The following CSMD3 variants were observed in gnomAD, a reference collection of about 807,000 sequenced individuals.
CSMD3 encodes the protein CUB and sushi domain-containing protein 3.
In CSMD3, 177 loss-of-function variants were observed where a neutral mutation model predicts 435.2. That is an observed-to-expected ratio of 0.41 (90% CI 0.36 to 0.46). The LOEUF (loss-of-function observed/expected upper bound fraction) is 0.46. Ranked by LOEUF, CSMD3 falls within the 20% of genes least tolerant of loss-of-function variation. The pLI, the probability that CSMD3 is intolerant of heterozygous loss-of-function variation, is 0.34. For synonymous variants in CSMD3, 1,656 were observed against 1,520.5 expected (o/e 1.09, Z -2.07); for missense variants, 4,265 against 4,504.6 (o/e 0.95, Z 1.52).
chr8:113,107,547 T>A (rs1331898226), intron 4 of CSMD3, among the ~76,000 whole-genome samples: 9 of 152,216 alleles, frequency 5.9e-5, no homozygotes, highest in African/African-American at 2.2e-4. Context: ...CAGCCCACCC[T>A]ATACACAGGT....
At chr8:112,909,461 A>G (rs930757414) in intron 10 of CSMD3, among the ~76,000 whole-genome samples, 4 of 151,868 alleles carry the variant, frequency 2.6e-5, no homozygotes, top group Non-Finnish European at 4.4e-5. Flanking sequence ...CAAATATTGC[A>G]TAAGTTACAT....
intron 4 of CSMD3, among the ~76,000 whole-genome samples, chr8:113,138,663 T>A (rs568261257): frequency 1.3e-5 from 2 of 151,302 alleles, no homozygotes; most frequent in Non-Finnish European, 3.0e-5. Context: ...TGTGTTATCG[T>A]GATGGGATTT....
At chr8:113,114,884 CA>C (rs1263442807) in intron 4 of CSMD3, among the ~76,000 whole-genome samples, 1 of 152,140 alleles carries the variant, frequency 6.6e-6, no homozygotes, top group African/African-American at 2.4e-5. Context: ...CAAAAAGCAT[CA>C]AGTGGATTGG....
chr8:112,292,712 T>C lies in CSMD3; in HGVS notation c.8615-2A>G. ...TACCAGGGTGACCACAGCTAACAGC[T>C]AATAAGATGTGGCAGGAGGACAGGG... On this transcript the variant is annotated splice_acceptor_variant, in intron 54 of 70. Coordinates refer to ENST00000297405, the MANE Select transcript of CSMD3 (RefSeq NM_198123.2). LOFTEE classifies it high-confidence loss of function. 6.2e-7 allele frequency: 1 copy of C among 1,612,938 alleles called. No individual in the cohort carries two copies. Among genetic ancestry groups the C allele is most frequent in the Non-Finnish European group, 8.5e-7 (1 of 1,179,038 alleles).
chr8:113,353,364 G>A (rs974233796), intron 1 of CSMD3, among the ~76,000 whole-genome samples: 5 of 152,044 alleles, frequency 3.3e-5, no homozygotes, highest in African/African-American at 1.2e-4. Flanking sequence ...TAGAGAGAAT[G>A]GTAGATAAAG....
At chr8:113,078,497 A>G (rs2131440703) in intron 5 of CSMD3, among the ~76,000 whole-genome samples, 1 of 152,340 alleles carries the variant, frequency 6.6e-6, no homozygotes, top group African/African-American at 2.4e-5. Context: ...AGCTGATCAA[A>G]TGAAAGCTCA....
At chr8:112,263,351 T>A (rs761567930) in intron 61 of CSMD3, among the ~76,000 whole-genome samples, 1 of 152,162 alleles carries the variant, frequency 6.6e-6, no homozygotes, top group African/African-American at 2.4e-5. Context: ...AAAAAGGACA[T>A]AAATAAAAAT....
chr8:112,908,738 T>A (rs1166428899), intron 10 of CSMD3, among the ~76,000 whole-genome samples: 1 of 151,586 alleles, frequency 6.6e-6, no homozygotes, highest in Non-Finnish European at 1.5e-5. Context: ...TTAATAAATA[T>A]TTTTATGGTC....
At chr8:112,460,985 T>C (rs1161091775) in intron 32 of CSMD3, among the ~76,000 whole-genome samples, 2 of 152,190 alleles carry the variant, frequency 1.3e-5, no homozygotes, top group Non-Finnish European at 2.9e-5. Flanking sequence ...ATCAATCTTC[T>C]AACCTATTTG....
intron 23 of CSMD3, among the ~76,000 whole-genome samples, chr8:112,585,613 A>G (rs1396309029): frequency 6.6e-6 from 1 of 151,714 alleles, no homozygotes; most frequent in African/African-American, 2.4e-5. Flanking sequence ...AAATAATACC[A>G]GTATAGGAAA....
intron 9 of CSMD3, among the ~76,000 whole-genome samples, chr8:112,929,046 G>A (rs1352798593): frequency 6.7e-6 from 1 of 149,008 alleles, no homozygotes; most frequent in Non-Finnish European, 1.5e-5. Flanking sequence ...CAGTGATGGT[G>A]AGCATTTTCT....
rs907242056 is a variant in CSMD3 at position 112,454,513 on chromosome 8, G to C, written c.5395+18078C>G. On this transcript the variant is annotated intron_variant, in intron 32 of 70. Transcript: ENST00000297405. ...ATGCTCAACACCACTAGTCATCAGG[G>C]AAATGCAAATCCAAACTATAATGAT... Among the ~76,000 whole-genome samples the C allele has an allele frequency of 2.0e-5, 3 of 152,142 alleles. No homozygotes were observed. In the South Asian group the frequency reaches 6.2e-4, roughly 31 times the overall value.
chr8:112,393,636 C>T (rs1337211144), intron 35 of CSMD3, among the ~76,000 whole-genome samples: 1 of 152,140 alleles, frequency 6.6e-6, no homozygotes, highest in Non-Finnish European at 1.5e-5. Flanking sequence ...GACAAGCTAT[C>T]TCCTCTTCCT....
chr8:113,383,286 G>A (rs1004464260), intron 1 of CSMD3, among the ~76,000 whole-genome samples: 7 of 152,108 alleles, frequency 4.6e-5, no homozygotes, highest in African/African-American at 1.7e-4. Flanking sequence ...ATTAAGCAAG[G>A]TAGTTACCTG....
chr8:112,330,571 G>C (rs779983937), intron 45 of CSMD3, among the ~76,000 whole-genome samples: 7 of 151,992 alleles, frequency 4.6e-5, no homozygotes, highest in Non-Finnish European at 8.8e-5. Context: ...TTGGCACAGT[G>C]CCCACAGGCA....
chr8:112,493,215 T>C lies in CSMD3; in HGVS notation c.5084-532A>G, dbSNP rs189126408. On this transcript the variant is annotated intron_variant, in intron 30 of 70. Transcript: ENST00000297405. Reference sequence around the variant, plus strand: ...CTAAAGATCTTCATAGATCTTCTCATTAAATTTAGTATCCAATGCATATAG... The same window carrying C: ...CTAAAGATCTTCATAGATCTTCTCACTAAATTTAGTATCCAATGCATATAG... 4.3e-4 allele frequency among the ~76,000 whole-genome samples: 65 copies of C among 152,258 alleles called. No individual in the cohort carries two copies. In the East Asian group the frequency reaches 8.3e-3, roughly 19 times the overall value.
chr8:113,003,877 A>G (rs979100291), intron 6 of CSMD3, among the ~76,000 whole-genome samples: 4 of 152,080 alleles, frequency 2.6e-5, no homozygotes, highest in Admixed American at 6.6e-5. Flanking sequence ...AGCTTTGTCA[A>G]TGTATCTCTA....
chr8:113,324,298 TC>T (rs2093968640), intron 1 of CSMD3, among the ~76,000 whole-genome samples: 1 of 152,150 alleles, frequency 6.6e-6, no homozygotes, highest in Admixed American at 6.5e-5. Context: ...CGGCAGCCCC[TC>T]CCATTACAGG....
intron 31 of CSMD3, among the ~76,000 whole-genome samples, chr8:112,488,741 A>T (rs948644010): frequency 2.0e-5 from 3 of 152,302 alleles, no homozygotes; most frequent in Non-Finnish European, 4.4e-5. Context: ...CCCAAATAAT[A>T]TAACACTGAA....
Sources: allele counts gnomAD v4.1 joint callset (sites outside exome capture counted in the v4.1 genomes callset), GRCh38; gene constraint gnomAD v4.1.1; transcripts MANE v1.5; gene names NCBI Gene and HGNC (gene_info 2026-07-23, HGNC 2026-07-21).